AGBL1: variants seen among roughly 807,000 people sequenced by gnomAD.
AGBL1 encodes cytosolic carboxypeptidase 4.
A neutral mutation model predicts 118.9 loss-of-function variants in AGBL1; 130 were observed. The ratio of observed to expected loss-of-function variants is 1.09; its 90% CI spans 0.95 to 1.26. The LOEUF (loss-of-function observed/expected upper bound fraction) is 1.26, where lower values mean the gene tolerates loss of function less well. AGBL1 is among the 50% of genes most tolerant of loss of function. The pLI, the probability that AGBL1 is intolerant of heterozygous loss-of-function variation, is 0.00. For synonymous variants in AGBL1, 555 were observed against 478.9 expected, an observed-to-expected ratio of 1.16 and a Z score of -2.08; for missense variants, 1,584 against 1,298.1, an observed-to-expected ratio of 1.22 and a Z score of -3.38.
intron 22 of AGBL1, among the ~76,000 whole-genome samples, chr15:86,753,872 GTGTCTTT>G (rs2077894536): frequency 6.6e-6 from 1 of 152,108 alleles, no homozygotes; most frequent in African/African-American, 2.4e-5. Flanking sequence ...CTCTATCCCA[GTGTCTTT>G]TCAGGTTCCA....
chr15:86,334,463 G>A lies in AGBL1; in HGVS notation c.2374+39055G>A, dbSNP rs552681940. 2.6e-5 allele frequency among the ~76,000 whole-genome samples: 4 copies of A among 152,218 alleles called. No individual in the cohort carries two copies. The South Asian group carries it at 8.3e-4, about 32-fold the overall frequency. On this transcript the variant is annotated intron_variant, in intron 17 of 22. Transcript: ENST00000614907. Reference sequence around the variant, plus strand: ...TAGGAATACGTCTAACCAAGGAGGTGAAAGATCCCTACAAGAGAAATGCAA... The same window carrying A: ...TAGGAATACGTCTAACCAAGGAGGTAAAAGATCCCTACAAGAGAAATGCAA...
intron 17 of AGBL1, among the ~76,000 whole-genome samples, chr15:86,389,114 G>T (rs1188513508): frequency 6.6e-6 from 1 of 152,040 alleles, no homozygotes; most frequent in Non-Finnish European, 1.5e-5. Context: ...CAGGGGTTAG[G>T]ATTATTTTCC....
chr15:86,239,953 C>T (rs779150733), intron 6 of AGBL1, among the ~76,000 whole-genome samples: 2 of 152,132 alleles, frequency 1.3e-5, no homozygotes, highest in Non-Finnish European at 1.5e-5. Flanking sequence ...AACCTCACAT[C>T]GACCTCCATA....
chr15:86,276,649 C>A (rs964083966), intron 15 of AGBL1, among the ~76,000 whole-genome samples: 1 of 152,154 alleles, frequency 6.6e-6, no homozygotes, highest in African/African-American at 2.4e-5. Context: ...GCTATCAGGG[C>A]AGGCTTCCTG....
intron 16 of AGBL1, among the ~76,000 whole-genome samples, chr15:86,284,890 G>A (rs886292455): frequency 6.6e-6 from 1 of 152,146 alleles, no homozygotes; most frequent in Admixed American, 6.6e-5. Flanking sequence ...GCTTGATATT[G>A]TTCACAGACA....
At chr15:86,142,198 C>T (rs889131294) in intron 2 of AGBL1, 131 bp downstream of exon 2, 7 of 852,048 alleles carry the variant, frequency 8.2e-6, no homozygotes, top group Non-Finnish European at 1.3e-5. Context: ...GCATCACTAG[C>T]CCATCTTTTT....
intron 12 of AGBL1, 26 bp downstream of exon 12, chr15:86,266,483 A>G: frequency 6.6e-7 from 1 of 1,509,070 alleles, no homozygotes; most frequent in South Asian, 1.2e-5. Flanking sequence ...CATCTGAGGA[A>G]GGTGGGGCAT....
At chr15:86,608,031 C>T (rs1438748900) in intron 21 of AGBL1, among the ~76,000 whole-genome samples, 1 of 152,172 alleles carries the variant, frequency 6.6e-6, no homozygotes, top group African/African-American at 2.4e-5. Flanking sequence ...TCTGCGCCTG[C>T]ATTTTCATTA....
chr15:86,876,561 G>C (rs2079811657), intron 22 of AGBL1, among the ~76,000 whole-genome samples: 1 of 152,196 alleles, frequency 6.6e-6, no homozygotes, highest in Non-Finnish European at 1.5e-5. Flanking sequence ...GTCTGTGGCT[G>C]ACCAGCCTGA....
intron 22 of AGBL1, among the ~76,000 whole-genome samples, chr15:86,747,938 T>C (rs1009574615): frequency 5.9e-5 from 9 of 152,206 alleles, no homozygotes; most frequent in Admixed American, 2.0e-4. Context: ...ACAATAAACA[T>C]ACGTGTGCAT....
chr15:86,156,794 C>CTTTTTTTTTTTTTTTTTTTCTTTT (rs773611214), intron 4 of AGBL1, among the ~76,000 whole-genome samples: 1 of 105,564 alleles, frequency 9.5e-6, no homozygotes. Flanking sequence ...TCTTTTCTTT[C>CTTTTTTTTTTTTTTTTTTTCTTTT]TTTTTTTTTT....
intron 21 of AGBL1, among the ~76,000 whole-genome samples, chr15:86,623,078 T>C (rs1009810850): frequency 6.6e-6 from 1 of 152,094 alleles, no homozygotes; most frequent in Non-Finnish European, 1.5e-5. Context: ...ATGCAAGCGA[T>C]GGGAGGTGCC....
intron 17 of AGBL1, among the ~76,000 whole-genome samples, chr15:86,388,878 G>A (rs2081236291): frequency 6.6e-6 from 1 of 152,104 alleles, no homozygotes. Context: ...TCTGCTGCAA[G>A]GTGCTATAAA....
At chr15:86,103,954 A>G (rs763605962) in intron 1 of AGBL1, among the ~76,000 whole-genome samples, 6 of 152,224 alleles carry the variant, frequency 3.9e-5, no homozygotes, top group Admixed American at 1.3e-4. Flanking sequence ...CCATAGCAGG[A>G]CAACCCTCTA....
At chr15:86,850,291 T>G (rs2079388622) in intron 22 of AGBL1, among the ~76,000 whole-genome samples, 1 of 152,214 alleles carries the variant, frequency 6.6e-6, no homozygotes, top group Non-Finnish European at 1.5e-5. Flanking sequence ...ATCCATTATT[T>G]TATTAAAAAG....
At chr15:86,497,662 C>T (rs1217214019) in intron 18 of AGBL1, among the ~76,000 whole-genome samples, 1 of 151,862 alleles carries the variant, frequency 6.6e-6, no homozygotes, top group Non-Finnish European at 1.5e-5. Flanking sequence ...GGGGATATTG[C>T]TTAGTCATAT....
intron 22 of AGBL1, among the ~76,000 whole-genome samples, chr15:86,737,963 T>A (rs2077625140): frequency 6.6e-6 from 1 of 151,596 alleles, no homozygotes; most frequent in Non-Finnish European, 1.5e-5. Context: ...CTAGTATCTA[T>A]CCCAGGGATG....
At position 86,627,601 on chromosome 15, in the gene AGBL1, A is replaced by T. The variant is rs549347000; in HGVS notation, c.2995-46672A>T. ...TCATAATGAGTGGCAAATTCCAAAAAGCTTACAAGAGGAAATACATAAAGA... is the reference window on the plus strand; with the variant it reads ...TCATAATGAGTGGCAAATTCCAAAATGCTTACAAGAGGAAATACATAAAGA... On this transcript the variant is annotated intron_variant, in intron 21 of 22. Coordinates refer to ENST00000614907, the MANE Select transcript of AGBL1 (RefSeq NM_001386094.1). Among the ~76,000 whole-genome samples the T allele has an allele frequency of 2.3e-4, 35 of 152,372 alleles. No homozygotes were observed. In the South Asian group the frequency reaches 7.2e-3, roughly 32 times the overall value.
chr15:86,698,700 A>G lies in AGBL1; in HGVS notation c.3158+24264A>G, dbSNP rs146604749. On this transcript the variant is annotated intron_variant, in intron 22 of 22. Coordinates refer to ENST00000614907, the MANE Select transcript of AGBL1 (RefSeq NM_001386094.1). ...CAAGGAAGCTCAATCCCACTATCCT[A>G]CTCTGCCTATCTAGTGCTGCAGTTT... Among the ~76,000 whole-genome samples, 258 of 150,352 alleles carry G rather than the reference A, an allele frequency of 1.7e-3. 4 individuals carry two copies. In the East Asian group the frequency reaches 0.022, roughly 13 times the overall value.
Sources: gnomAD v4.1 joint callset for allele counts (sites outside exome capture counted in the v4.1 genomes callset) on GRCh38, gnomAD v4.1.1 for gene constraint, MANE v1.5 for transcripts, NCBI Gene and HGNC (gene_info 2026-07-23, HGNC 2026-07-21) for gene names.